PCDHGB5: variants seen among roughly 807,000 people sequenced by gnomAD.
PCDHGB5 encodes protocadherin gamma subfamily B, 5.
A neutral mutation model predicts 62.9 loss-of-function variants in PCDHGB5; 48 were observed. The observed-to-expected ratio is 0.76, with a 90% CI of 0.61 to 0.97. The LOEUF is 0.97. PCDHGB5 is among the 50% of genes least tolerant of loss of function. PCDHGB5 has a pLI of 0.00. For missense variants in PCDHGB5, 1,118 were observed against 1,198.6 expected, an observed-to-expected ratio of 0.93 and a Z score of 0.99; for synonymous variants, 474 against 511.2, an observed-to-expected ratio of 0.93 and a Z score of 0.98.
intron 1 of PCDHGB5, chr5:141,422,357 C>G: frequency 6.4e-7 from 1 of 1,557,656 alleles, no homozygotes; most frequent in African/African-American, 1.4e-5. Flanking sequence ...GATCAAGATT[C>G]TGGAGAAAAT....
In PCDHGB5 at chr5:141,417,886, C is replaced by G. The variant is rs1330007520; in HGVS notation, c.2397+17362C>G. Reference sequence around the variant, plus strand: ...TGGGAGGGAGCTGCGCGCAGAGGCGCCGGGCCGGCCCGCGGCAGGTACTAT... The same window carrying G: ...TGGGAGGGAGCTGCGCGCAGAGGCGGCGGGCCGGCCCGCGGCAGGTACTAT... On this transcript the variant is annotated intron_variant, in intron 1 of 3. Transcript: ENST00000617380. The G allele has an allele frequency of 9.0e-6, 14 of 1,563,624 alleles. No individual in the cohort carries two copies. The African/African-American group carries it at 1.9e-4, about 21-fold the overall frequency.
In PCDHGB5 at chr5:141,402,676, C is replaced by T. The variant is rs746643713; in HGVS notation, c.2397+2152C>T. 2.0e-5 allele frequency among the ~76,000 whole-genome samples: 3 copies of T among 152,282 alleles called. No homozygotes were observed. The East Asian group carries it at 5.8e-4, about 29-fold the overall frequency. ...GAGTAGTGTTTTCTTTATCAGCCAT[C>T]TGATATAATGTTACACATCAGTGGG... On this transcript the variant is annotated intron_variant, in intron 1 of 3. Transcript: ENST00000617380.
At chr5:141,506,934 G>A (rs187503673) in intron 3 of PCDHGB5, among the ~76,000 whole-genome samples, 54 of 152,232 alleles carry the variant, frequency 3.5e-4, no homozygotes, top group African/African-American at 1.3e-3. Flanking sequence ...AAACTTTAGG[G>A]GCCTCCTGTC....
Position 141,399,728 on chromosome 5 carries a change from G to A in PCDHGB5, c.1601G>A (p.Gly534Asp). Residue 534 changes from glycine (G) to aspartate (D), a missense_variant, in exon 1 of 4, where the codon GGC (glycine) becomes GAC (aspartate). By Grantham distance (94) the Gly-to-Asp change is moderately conservative. Transcript: ENST00000617380. The stretch of plus-strand genomic sequence containing the variant: ...CTCACACTACAGGCCCGCGACCAGG[G>A]CTCGCCTGCGCTCAGCGCAAACGTG... ...FELTLQARDQ[G>D]SPALSANVSL... is the part of the protein sequence containing the mutation. The A allele has an allele frequency of 6.2e-7, 1 of 1,613,276 alleles. No individual in the cohort carries two copies. Among genetic ancestry groups the A allele is most frequent in the East Asian group, 2.2e-5 (1 of 44,886 alleles).
At chr5:141,447,861 G>A (rs2098553733) in intron 1 of PCDHGB5, among the ~76,000 whole-genome samples, 1 of 152,120 alleles carries the variant, frequency 6.6e-6, no homozygotes, top group Non-Finnish European at 1.5e-5. Flanking sequence ...CGAGGTGGGT[G>A]AATCATCTGA....
rs1322608789 is a variant in PCDHGB5, at chr5:141,485,671, G to A, written c.2398-9136G>A. 3 of 1,612,860 alleles carry A rather than the reference G, an allele frequency of 1.9e-6. No homozygotes were observed. The highest frequency in any genetic ancestry group is 2.5e-6 in the Non-Finnish European group (3 of 1,179,040). On this transcript the variant is annotated intron_variant, in intron 1 of 3. Coordinates refer to ENST00000617380, the MANE Select transcript of PCDHGB5 (RefSeq NM_018925.3). This position sits in a 1 kb window ranked among gnomAD's most constrained non-coding sequence, Gnocchi z 5.7. Reference sequence around the variant, plus strand: ...AGGATGCAGATGTGGGGAGCAATTCGATTAGCAGCTATAGGCTGAGCTCCA... The same window carrying A: ...AGGATGCAGATGTGGGGAGCAATTCAATTAGCAGCTATAGGCTGAGCTCCA...
rs115568443 is a variant in PCDHGB5 at position 141,439,423 on chromosome 5, A to G, written c.2397+38899A>G. On this transcript the variant is annotated intron_variant, in intron 1 of 3. Coordinates refer to ENST00000617380, the MANE Select transcript of PCDHGB5 (RefSeq NM_018925.3). ...TGTGCTAACATCACTGAGGTTATAA[A>G]TTCCCAGGAATATTTTATTGCGGGA... 1.0e-2 allele frequency among the ~76,000 whole-genome samples: 1,522 copies of G among 152,306 alleles called. 34 individuals carry two copies. Among genetic ancestry groups the G allele is most frequent in the African/African-American group, 0.034 (1,425 of 41,558 alleles).
In PCDHGB5 at chr5:141,399,936, C is replaced by T. The variant is rs1370105984; in HGVS notation, c.1809C>T (p.His603=). ...GACACAACGCCTGGCTGTCCTACCA[C>T]GTGCTGCAGGCTAGCGAGCCCGGGC... is the stretch of plus-strand genomic sequence containing the variant. The part of the protein sequence containing the change: ...DSGHNAWLSY[H]VLQASEPGLF... Residue 603 remains histidine (H), a synonymous_variant, in exon 1 of 4, where the codon CAC becomes CAT. Coordinates refer to ENST00000617380, the MANE Select transcript of PCDHGB5 (RefSeq NM_018925.3). 2 of 1,612,268 alleles carry T rather than the reference C, an allele frequency of 1.2e-6. No individual in the cohort carries two copies. Among genetic ancestry groups the T allele is most frequent in the Non-Finnish European group, 8.5e-7 (1 of 1,179,746 alleles).
chr5:141,506,246 C>T (rs1049014492), intron 3 of PCDHGB5, among the ~76,000 whole-genome samples: 3 of 151,958 alleles, frequency 2.0e-5, no homozygotes, highest in South Asian at 4.2e-4. Context: ...GTCAGGAGTT[C>T]GAAACCGGCC....
At chr5:141,417,384 GAAGA>G (rs2096114648) in intron 1 of PCDHGB5, 1 of 154,070 alleles carries the variant, frequency 6.5e-6, no homozygotes, top group African/African-American at 2.4e-5. Context: ...TTTAAATTTT[GAAGA>G]AAAAATATTC....
intron 1 of PCDHGB5, among the ~76,000 whole-genome samples, chr5:141,464,888 GCCACCATGT>G (rs1351812446): frequency 6.6e-6 from 1 of 152,000 alleles, no homozygotes; most frequent in East Asian, 1.9e-4. Context: ...ACAGATGGAT[GCCACCATGT>G]CCAGCTAATT....
At position 141,489,503 on chromosome 5, in the gene PCDHGB5, A is replaced by T; in HGVS notation, c.2398-5304A>T. 1 of 1,614,092 alleles carries T rather than the reference A, an allele frequency of 6.2e-7. No homozygotes were observed. ...ATGAGTGGTGCCCTGGCAGTGAATC[A>T]AAAGATTGACCGAGAAAGCCTATGT... is the stretch of plus-strand genomic sequence containing the variant. On this transcript the variant is annotated intron_variant, in intron 1 of 3. Transcript: ENST00000617380. The surrounding 1 kb of genome is among the most constrained non-coding windows in gnomAD (Gnocchi z 4.5).
rs1224625072 is a variant in PCDHGB5, at chr5:141,490,972, C to T, written c.2398-3835C>T. ...AGACTGGGAACACTCAGCCCCCCAG[C>T]GTCTCCCTCGCTCTGCTCCTCCTGG... On this transcript the variant is annotated intron_variant, in intron 1 of 3. Transcript: ENST00000617380. This position sits in a 1 kb window ranked among gnomAD's most constrained non-coding sequence, Gnocchi z 5.4. The T allele has an allele frequency of 1.2e-5, 20 of 1,613,912 alleles. No individual in the cohort carries two copies. Among genetic ancestry groups the T allele is most frequent in the East Asian group, 4.5e-5 (2 of 44,882 alleles).
In PCDHGB5 at chr5:141,487,000, G is replaced by A. The variant is rs1410493699; in HGVS notation, c.2398-7807G>A. On this transcript the variant is annotated intron_variant, in intron 1 of 3. Transcript: ENST00000617380. The surrounding 1 kb of genome is among the most constrained non-coding windows in gnomAD (Gnocchi z 5.0). ...GTTACAATGCTTGGGTTTCCTATCA[G>A]CTCCTGGAGGCCCCAGATCCCAGCC... The A allele has an allele frequency of 6.2e-7, 1 of 1,614,194 alleles. No homozygotes were observed. The highest frequency in any genetic ancestry group is 8.5e-7 in the Non-Finnish European group (1 of 1,180,036).
intron 1 of PCDHGB5, chr5:141,428,279 C>A: frequency 2.7e-6 from 2 of 753,232 alleles, no homozygotes; most frequent in South Asian, 3.0e-5. Context: ...CCCTCTGATT[C>A]CCAAGCAAAG....
chr5:141,418,954 T>C (rs1490406390), intron 1 of PCDHGB5: 2 of 1,613,914 alleles, frequency 1.2e-6, no homozygotes, highest in Admixed American at 1.7e-5. Flanking sequence ...CAGGAGTGGT[T>C]GTTGCCCTCT....
chr5:141,403,259 C>G, intron 1 of PCDHGB5: 1 of 1,613,866 alleles, frequency 6.2e-7, no homozygotes, highest in South Asian at 1.1e-5. Context: ...CCCGCGGTGT[C>G]TGGTGAACTT....
chr5:141,477,671 G>A lies in PCDHGB5; in HGVS notation c.2398-17136G>A, dbSNP rs1022028453. The A allele has an allele frequency of 1.2e-6, 2 of 1,614,198 alleles. No individual in the cohort carries two copies. Among genetic ancestry groups the A allele is most frequent in the Non-Finnish European group, 1.7e-6 (2 of 1,180,048 alleles). Reference sequence around the variant, plus strand: ...CACAATAAATCGTGACAATGGCATAGTGTCATCCTTAGTGCCCCTAGACTA... The same window carrying A: ...CACAATAAATCGTGACAATGGCATAATGTCATCCTTAGTGCCCCTAGACTA... On this transcript the variant is annotated intron_variant, in intron 1 of 3. Coordinates refer to ENST00000617380, the MANE Select transcript of PCDHGB5 (RefSeq NM_018925.3). This position sits in a 1 kb window ranked among gnomAD's most constrained non-coding sequence, Gnocchi z 4.9.
In PCDHGB5 at chr5:141,431,771, C is replaced by G. The variant is rs1175712662; in HGVS notation, c.2397+31247C>G. 1.2e-6 allele frequency: 2 copies of G among 1,614,214 alleles called. No homozygotes were observed. Among genetic ancestry groups the G allele is most frequent in the Non-Finnish European group, 8.5e-7 (1 of 1,180,034 alleles). The stretch of plus-strand genomic sequence containing the variant: ...GCGAGCCAAAGTCCTGATCACTGTT[C>G]TGGACGTGAACGACAATGCCCCAGA... On this transcript the variant is annotated intron_variant, in intron 1 of 3. Coordinates refer to ENST00000617380, the MANE Select transcript of PCDHGB5 (RefSeq NM_018925.3). The surrounding 1 kb of genome is among the most constrained non-coding windows in gnomAD (Gnocchi z 4.8).
Sources: gnomAD v4.1 joint callset for allele counts (sites outside exome capture counted in the v4.1 genomes callset) on GRCh38, gnomAD v4.1.1 for gene constraint, Gnocchi (gnomAD v3.1) non-coding constraint, MANE v1.5 for transcripts, NCBI Gene and HGNC (gene_info 2026-07-23, HGNC 2026-07-21) for gene names.